UBE4B: variants seen among roughly 807,000 people sequenced by gnomAD.
UBE4B encodes the protein ubiquitin conjugation factor E4 B.
Under a neutral mutation model 148.1 loss-of-function variants are expected in UBE4B, and 27 were observed. The observed-to-expected ratio is 0.18, with a 90% CI of 0.13 to 0.25. The LOEUF (loss-of-function observed/expected upper bound fraction) is 0.25. Among genes scored for constraint, UBE4B ranks in the 10% least tolerant of loss-of-function variants. The probability of loss-of-function intolerance (pLI) is 1.00; values close to 1 mark genes in which losing one functional copy is unlikely to be tolerated. For missense variants in UBE4B, 1,170 were observed against 1,662.4 expected (o/e 0.70, Z 5.15); for synonymous variants, 596 against 619.3 (o/e 0.96, Z 0.56).
chr1:10,135,613 G>A (rs926641543), intron 16 of UBE4B, among the ~76,000 whole-genome samples: 12 of 151,762 alleles, frequency 7.9e-5, no homozygotes, highest in African/African-American at 2.9e-4. Context: ...GCACGCACCT[G>A]TAATCCCAGC....
rs530382577 is a variant in UBE4B, at chr1:10,043,276, C to T, written c.24+9582C>T. 1.3e-4 allele frequency among the ~76,000 whole-genome samples: 20 copies of T among 150,526 alleles called. 1 individual carries two copies. Among genetic ancestry groups the T allele is most frequent in the Non-Finnish European group, 2.8e-4 (19 of 67,490 alleles). ...TGCCGGCCTCAGCCTCCCAAAGTGC[C>T]GGGATTACAGGTGTGAGCCACCGCA... On this transcript the variant is annotated intron_variant, in intron 1 of 27. Transcript: ENST00000343090.
intron 1 of UBE4B, among the ~76,000 whole-genome samples, chr1:10,046,038 G>A (rs1464237428): frequency 1.3e-5 from 2 of 152,186 alleles, no homozygotes; most frequent in African/African-American, 2.4e-5. Context: ...CTTCTGTCTT[G>A]TACCTACTTT....
intron 21 of UBE4B, among the ~76,000 whole-genome samples, chr1:10,151,932 A>C (rs1252920227): frequency 6.6e-6 from 1 of 152,098 alleles, no homozygotes; most frequent in Admixed American, 6.6e-5. Context: ...CCCACTTTCC[A>C]AAGTGTGGGT....
intron 5 of UBE4B, among the ~76,000 whole-genome samples, chr1:10,103,608 G>GT (rs58109538): frequency 0.25 from 33,777 of 133,266 alleles, 7,312 homozygotes; most frequent in African/African-American, 0.59. Flanking sequence ...AATTTTTGTA[G>GT]TTTTTTTTGT....
At chr1:10,082,029 C>T (rs1424902653) in intron 2 of UBE4B, among the ~76,000 whole-genome samples, 1 of 152,128 alleles carries the variant, frequency 6.6e-6, no homozygotes, top group Non-Finnish European at 1.5e-5. Context: ...CTTATCCCTC[C>T]AAATTTGCTT....
intron 1 of UBE4B, chr1:10,059,547 T>G (rs546138444): frequency 4.6e-6 from 1 of 217,052 alleles, no homozygotes; most frequent in South Asian, 8.4e-5. Flanking sequence ...CCATTGTCTA[T>G]GAATTGAACA....
chr1:10,164,142 A>T (rs978660812), intron 23 of UBE4B, among the ~76,000 whole-genome samples: 52 of 151,534 alleles, frequency 3.4e-4, no homozygotes, highest in African/African-American at 1.3e-3. Flanking sequence ...GGAGTTTGAG[A>T]CCAGCCTGGC....
At chr1:10,055,509 G>C (rs574410608) in intron 1 of UBE4B, among the ~76,000 whole-genome samples, 1 of 152,070 alleles carries the variant, frequency 6.6e-6, no homozygotes, top group South Asian at 2.1e-4. Context: ...GTAGCGATGG[G>C]GTCTCGTTAT....
rs562321597 is a variant in UBE4B, at chr1:10,153,617, C to T, written c.2926+2056C>T. On this transcript the variant is annotated intron_variant, in intron 21 of 27. Transcript: ENST00000343090. ...AGTGGATCACCTGAGGTCAGGAGTT[C>T]GAGACTAGCCTGACCAAAATGGTGA... is the stretch of plus-strand genomic sequence containing the variant. Among the ~76,000 whole-genome samples the T allele has an allele frequency of 1.5e-3, 221 of 150,502 alleles. 1 individual carries two copies. The highest frequency in any genetic ancestry group is 4.9e-3 in the African/African-American group (201 of 40,962).
chr1:10,073,159 T>C (rs1177471024), intron 2 of UBE4B: 9 of 152,338 alleles, frequency 5.9e-5, no homozygotes, highest in African/African-American at 2.2e-4. Context: ...GATGGTCTTC[T>C]GGTAGGATTG....
intron 1 of UBE4B, among the ~76,000 whole-genome samples, chr1:10,040,381 T>G (rs2101770169): frequency 6.6e-6 from 1 of 152,198 alleles, no homozygotes; most frequent in African/African-American, 2.4e-5. Context: ...AGTGCTGGGA[T>G]TACAGGTGTC....
At chr1:10,101,498 CTTTTTTTTTTTTTTTTT>C (rs34066776) in intron 4 of UBE4B, among the ~76,000 whole-genome samples, 1 of 56,166 alleles carries the variant, frequency 1.8e-5, no homozygotes, top group African/African-American at 7.7e-5. Context: ...TGGTCTTTTG[CTTTTTTTTTTTTTTTTT>C]TTTTTTTTTT....
chr1:10,147,062 C>T lies in UBE4B; in HGVS notation c.2563C>T (p.Leu855Phe). 6.2e-7 allele frequency: 1 copy of T among 1,614,204 alleles called. No individual in the cohort carries two copies. The highest frequency in any genetic ancestry group is 8.5e-7 in the Non-Finnish European group (1 of 1,180,036). Residue 855 changes from leucine (L) to phenylalanine (F), a missense_variant, in exon 19 of 28, where the codon CTC becomes TTC. By Grantham distance (22) the Leu-to-Phe change is conservative (BLOSUM62 0). This residue lies in a region of UBE4B where 348 missense variants were observed against 627.2 expected (regional missense o/e 0.55). Transcript: ENST00000343090. ...TTATGGCCTTCTCATTCAGCTGCTGCTCCGCATCCTGGACCCCGCATATCC... is the reference window on the plus strand; with the variant it reads ...TTATGGCCTTCTCATTCAGCTGCTGTTCCGCATCCTGGACCCCGCATATCC... ...NFYGLLIQLL[L>F]RILDPAYPDI...
intron 2 of UBE4B, among the ~76,000 whole-genome samples, chr1:10,094,110 A>G (rs927098023): frequency 2.0e-5 from 3 of 152,164 alleles, no homozygotes; most frequent in Non-Finnish European, 4.4e-5. Flanking sequence ...AGATATTCAT[A>G]GAGTTAAAGT....
At chr1:10,159,846 G>A (rs1215952480) in intron 22 of UBE4B, among the ~76,000 whole-genome samples, 1 of 152,186 alleles carries the variant, frequency 6.6e-6, no homozygotes, top group Non-Finnish European at 1.5e-5. Flanking sequence ...AGATTTCTGT[G>A]AAGCAAACTT....
intron 17 of UBE4B, among the ~76,000 whole-genome samples, chr1:10,144,720 C>T (rs952321782): frequency 1.2e-4 from 17 of 136,746 alleles, no homozygotes; most frequent in Non-Finnish European, 2.1e-4. Flanking sequence ...GGTGACAGAG[C>T]GAGACTCTGT....
At chr1:10,139,202 C>T (rs964649421) in intron 17 of UBE4B, among the ~76,000 whole-genome samples, 2 of 152,178 alleles carry the variant, frequency 1.3e-5, no homozygotes, top group African/African-American at 4.8e-5. Context: ...TGGATGCTAG[C>T]CTGGCCAACA....
chr1:10,070,269 C>T (rs1476287211), intron 1 of UBE4B, among the ~76,000 whole-genome samples: 1 of 148,250 alleles, frequency 6.7e-6, no homozygotes, highest in Admixed American at 6.7e-5. Flanking sequence ...AGCGAAACTC[C>T]GTCTCAGAAA....
chr1:10,134,080 T>C (rs1460958580), intron 15 of UBE4B, among the ~76,000 whole-genome samples: 1 of 150,128 alleles, frequency 6.7e-6, no homozygotes, highest in African/African-American at 2.5e-5. Context: ...GAAAGAAACA[T>C]TTATTGTGTT....
Sources: allele counts gnomAD v4.1 joint callset (sites outside exome capture counted in the v4.1 genomes callset), GRCh38; gene constraint gnomAD v4.1.1; regional missense constraint gnomAD v4.1.1; transcripts MANE v1.5; gene names NCBI Gene and HGNC (gene_info 2026-07-23, HGNC 2026-07-21).